Variants in DCC observed in about 807,000 individuals in gnomAD.
DCC encodes netrin receptor DCC.
In DCC, 58 loss-of-function variants were observed where a neutral mutation model predicts 172.5. The ratio of observed to expected loss-of-function variants is 0.34; its 90% CI spans 0.27 to 0.42. DCC has a LOEUF of 0.42. Ranked by LOEUF, DCC falls within the 10% of genes least tolerant of loss-of-function variation. The probability of loss-of-function intolerance (pLI) is 1.00; values close to 1 mark genes in which losing one functional copy is unlikely to be tolerated. For missense variants in DCC, 1,740 were observed against 1,791.0 expected (o/e 0.97, Z 0.51); for synonymous variants, 709 against 644.5 (o/e 1.10, Z -1.52).
intron 7 of DCC, among the ~76,000 whole-genome samples, chr18:53,086,292 TTCTTCC>T (rs1462196964): frequency 1.2e-4 from 5 of 40,944 alleles, no homozygotes; most frequent in Non-Finnish European, 1.8e-4. Context: ...CTTCTTCTTC[TTCTTCC>T]TTTCTTCTTC....
chr18:53,522,422 G>C (rs1271106283), intron 27 of DCC, among the ~76,000 whole-genome samples: 1 of 151,964 alleles, frequency 6.6e-6, no homozygotes, highest in Non-Finnish European at 1.5e-5. Context: ...AAACTACTTT[G>C]AATTTCATGT....
intron 12 of DCC, among the ~76,000 whole-genome samples, chr18:53,282,815 G>A (rs1280941743): frequency 6.6e-6 from 1 of 152,080 alleles, no homozygotes; most frequent in South Asian, 2.1e-4. Context: ...TGCAGGGAGT[G>A]AAAAAGACTT....
intron 1 of DCC, among the ~76,000 whole-genome samples, chr18:52,622,848 A>G (rs2034505649): frequency 6.6e-6 from 1 of 151,916 alleles, no homozygotes; most frequent in Non-Finnish European, 1.5e-5. Flanking sequence ...TAGGTGACCA[A>G]AAAAAATGAT....
At chr18:52,877,811 T>A (rs200361935) in intron 2 of DCC, among the ~76,000 whole-genome samples, 2 of 151,618 alleles carry the variant, frequency 1.3e-5, no homozygotes, top group South Asian at 2.1e-4. Flanking sequence ...GTCATGAGAT[T>A]AAAAAAAATT....
At chr18:52,660,956 G>A (rs970644853) in intron 1 of DCC, among the ~76,000 whole-genome samples, 1 of 152,086 alleles carries the variant, frequency 6.6e-6, no homozygotes, top group Non-Finnish European at 1.5e-5. Flanking sequence ...GGAATGTCAT[G>A]ACCTCAATAT....
intron 22 of DCC, among the ~76,000 whole-genome samples, chr18:53,439,101 C>G (rs1347735567): frequency 6.6e-6 from 1 of 152,192 alleles, no homozygotes; most frequent in Admixed American, 6.5e-5. Context: ...GAACTGATAA[C>G]TTCAGAGAGC....
intron 1 of DCC, among the ~76,000 whole-genome samples, chr18:52,548,192 T>C (rs1340038307): frequency 6.6e-6 from 1 of 152,182 alleles, no homozygotes; most frequent in Non-Finnish European, 1.5e-5. Context: ...TTGTTGCCTT[T>C]TGAAAACACA....
At chr18:52,868,844 ACAGT>A (rs1223400303) in intron 2 of DCC, among the ~76,000 whole-genome samples, 2 of 152,314 alleles carry the variant, frequency 1.3e-5, no homozygotes, top group East Asian at 1.9e-4. Context: ...GCCACTGCAC[ACAGT>A]CAGACACACC....
chr18:53,473,033 A>G (rs2045717662), intron 25 of DCC, among the ~76,000 whole-genome samples: 1 of 152,206 alleles, frequency 6.6e-6, no homozygotes. Context: ...GAAATGACTC[A>G]GTGGATAGCT....
At chr18:53,023,487 C>T (rs971551421) in intron 5 of DCC, among the ~76,000 whole-genome samples, 1 of 148,342 alleles carries the variant, frequency 6.7e-6, no homozygotes, top group African/African-American at 2.5e-5. Context: ...AAAATCTGGA[C>T]CCTGTGATGA....
At chr18:52,916,947 T>G (rs895656917) in intron 3 of DCC, among the ~76,000 whole-genome samples, 1 of 151,682 alleles carries the variant, frequency 6.6e-6, no homozygotes, top group Admixed American at 6.6e-5. Flanking sequence ...TTGGCCGACA[T>G]AGGTGTTTTT....
chr18:52,652,711 A>AGTGTGTGTGTGTGTGT (rs71175513), intron 1 of DCC, among the ~76,000 whole-genome samples: 2,368 of 143,382 alleles, frequency 0.017, 60 homozygotes, highest in East Asian at 0.1. Flanking sequence ...ACTGCAATAA[A>AGTGTGTGTGTGTGTGT]GTGTGTGTGT....
At chr18:52,407,366 T>C (rs1986690019) in intron 1 of DCC, among the ~76,000 whole-genome samples, 1 of 152,094 alleles carries the variant, frequency 6.6e-6, no homozygotes, top group Non-Finnish European at 1.5e-5. Context: ...ATAAACCTAA[T>C]AAGAGATGAA....
chr18:52,835,269 T>G (rs2145304315), intron 2 of DCC, among the ~76,000 whole-genome samples: 1 of 151,998 alleles, frequency 6.6e-6, no homozygotes, highest in East Asian at 1.9e-4. Flanking sequence ...CAATCCTCTT[T>G]GTTTTCCAAA....
At chr18:52,611,769 C>A (rs2034281359) in intron 1 of DCC, among the ~76,000 whole-genome samples, 1 of 152,134 alleles carries the variant, frequency 6.6e-6, no homozygotes, top group Admixed American at 6.5e-5. Flanking sequence ...CTGATTTCTA[C>A]CTTGCAAATG....
chr18:53,125,955 A>C (rs2043549851), intron 7 of DCC, among the ~76,000 whole-genome samples: 1 of 152,144 alleles, frequency 6.6e-6, no homozygotes, highest in Non-Finnish European at 1.5e-5. Context: ...CACACTGAAC[A>C]AGTAACTGCA....
intron 28 of DCC, 36 bp downstream of exon 28, chr18:53,526,795 G>C (rs918219486): frequency 4.3e-6 from 7 of 1,611,660 alleles, no homozygotes; most frequent in Admixed American, 3.3e-5. Flanking sequence ...TTCATCAAGG[G>C]ACAGATTGAC....
At chr18:52,769,351 G>A (rs751386955) in intron 2 of DCC, among the ~76,000 whole-genome samples, 1 of 152,106 alleles carries the variant, frequency 6.6e-6, no homozygotes, top group Non-Finnish European at 1.5e-5. Context: ...CTTTTCATAT[G>A]CTTATTTGCC....
At chr18:53,379,969 G>A (rs886704892) in intron 15 of DCC, among the ~76,000 whole-genome samples, 1 of 152,140 alleles carries the variant, frequency 6.6e-6, no homozygotes, top group African/African-American at 2.4e-5. Context: ...AAATACTGCT[G>A]AGCTTTATTT....
Sources: gnomAD v4.1 joint callset for allele counts (sites outside exome capture counted in the v4.1 genomes callset) on GRCh38, gnomAD v4.1.1 for gene constraint, MANE v1.5 for transcripts, NCBI Gene and HGNC (gene_info 2026-07-23, HGNC 2026-07-21) for gene names.